Variants in PPP2R2B observed in about 807,000 individuals in gnomAD.
PPP2R2B encodes the protein protein phosphatase 2 regulatory subunit Bbeta, also known as serine/threonine-protein phosphatase 2A 55 kDa regulatory subunit B beta isoform.
A neutral mutation model predicts 46.0 loss-of-function variants in PPP2R2B; 5 were observed. The ratio of observed to expected loss-of-function variants is 0.11; its 90% CI spans 0.06 to 0.23. The LOEUF (loss-of-function observed/expected upper bound fraction) is 0.23, where lower values mean the gene tolerates loss of function less well. PPP2R2B is among the 10% of genes least tolerant of loss of function. The pLI, the probability that PPP2R2B is intolerant of heterozygous loss-of-function variation, is 1.00. For synonymous variants in PPP2R2B, 215 were observed against 206.7 expected, an observed-to-expected ratio of 1.04 and a Z score of -0.34; for missense variants, 367 against 575.0, an observed-to-expected ratio of 0.64 and a Z score of 3.70.
At chr5:146,831,901 C>T (rs1384449782) in intron 2 of PPP2R2B, among the ~76,000 whole-genome samples, 1 of 152,152 alleles carries the variant, frequency 6.6e-6, no homozygotes, top group African/African-American at 2.4e-5. Context: ...CCTTTGAAGG[C>T]CTTCCAGTGG....
chr5:146,900,513 C>G (rs76209183), intron 1 of PPP2R2B, among the ~76,000 whole-genome samples: 1 of 144,896 alleles, frequency 6.9e-6, no homozygotes, highest in South Asian at 2.3e-4. Flanking sequence ...TTTCCTTTCT[C>G]CCTTTCTTTC....
At chr5:146,979,133 G>C (rs756146997) in intron 1 of PPP2R2B, among the ~76,000 whole-genome samples, 1 of 152,038 alleles carries the variant, frequency 6.6e-6, no homozygotes, top group Non-Finnish European at 1.5e-5. Flanking sequence ...GGACATATAC[G>C]CTTCTACCTG....
intron 1 of PPP2R2B, among the ~76,000 whole-genome samples, chr5:146,990,775 G>A (rs1460734043): frequency 6.6e-5 from 10 of 151,994 alleles, no homozygotes; most frequent in Non-Finnish European, 1.5e-4. Context: ...CGAGTGAAGA[G>A]TAAAATATGG....
intron 2 of PPP2R2B, among the ~76,000 whole-genome samples, chr5:146,864,323 A>G (rs1337378819): frequency 3.5e-5 from 5 of 141,364 alleles, no homozygotes; most frequent in African/African-American, 1.3e-4. Context: ...GTCTAAAGTC[A>G]TTGATAGTTA....
chr5:146,727,576 T>C (rs373201878), intron 2 of PPP2R2B, among the ~76,000 whole-genome samples: 3 of 152,122 alleles, frequency 2.0e-5, no homozygotes, highest in African/African-American at 4.8e-5. Flanking sequence ...AGGTAGAATG[T>C]ACTCTATTTA....
Position 146,589,538 on chromosome 5 carries a change from GA to G in PPP2R2B, c.*408del, listed in dbSNP as rs1554109601. On this transcript the variant is annotated 3_prime_UTR_variant, in exon 10 of 10. Coordinates refer to ENST00000394411, the MANE Select transcript of PPP2R2B (RefSeq NM_181675.4). The stretch of plus-strand genomic sequence containing the variant: ...GAGTAAACGGTGTTTATTTTTTGTT[GA>G]TTTTTTTCAATCAAATGGAATTGCT... The G allele has an allele frequency of 1.2e-5, 2 of 160,084 alleles. No homozygotes were observed. Among genetic ancestry groups the G allele is most frequent in the Non-Finnish European group, 2.7e-5 (2 of 73,032 alleles). 9.9% of individuals were successfully genotyped at this position (160,084 alleles called of 1,614,324 possible).
chr5:146,951,554 C>A (rs887587778), intron 1 of PPP2R2B, among the ~76,000 whole-genome samples: 1 of 151,872 alleles, frequency 6.6e-6, no homozygotes, highest in Non-Finnish European at 1.5e-5. Context: ...TTTTCTTCTC[C>A]CTGAGTTCAT....
At chr5:146,887,212 C>A (rs1422333826) in intron 1 of PPP2R2B, among the ~76,000 whole-genome samples, 1 of 151,954 alleles carries the variant, frequency 6.6e-6, no homozygotes, top group Non-Finnish European at 1.5e-5. Flanking sequence ...TATATCAAAT[C>A]TTTGAAATCT....
intron 1 of PPP2R2B, among the ~76,000 whole-genome samples, chr5:146,998,280 A>G (rs547021149): frequency 2.6e-5 from 4 of 152,354 alleles, no homozygotes; most frequent in African/African-American, 9.6e-5. Flanking sequence ...AGGGAGCACA[A>G]TTCAGGTGCA....
intron 5 of PPP2R2B, among the ~76,000 whole-genome samples, chr5:146,690,614 C>T (rs1231474620): frequency 6.6e-6 from 1 of 152,136 alleles, no homozygotes; most frequent in Non-Finnish European, 1.5e-5. Flanking sequence ...CATAAGTCCA[C>T]GAGCAGTACG....
intron 2 of PPP2R2B, among the ~76,000 whole-genome samples, chr5:147,075,610 C>T (rs1323909664): frequency 6.6e-6 from 1 of 152,166 alleles, no homozygotes; most frequent in Non-Finnish European, 1.5e-5. Context: ...AAATGAAGCT[C>T]ATGATTTTTC....
At chr5:147,056,907 G>A (rs1008716686), upstream of PPP2R2B, among the ~76,000 whole-genome samples, 21 of 152,242 alleles carry the variant, frequency 1.4e-4, 1 homozygote, top group East Asian at 4.1e-3. Flanking sequence ...AAGAGAAAGA[G>A]TCAAATGTCC....
In PPP2R2B at chr5:146,851,663, A is replaced by G. The variant is rs551918680; in HGVS notation, c.70+26339T>C. Among the ~76,000 whole-genome samples the G allele has an allele frequency of 9.2e-5, 14 of 152,096 alleles. No individual in the cohort carries two copies. In the South Asian group the frequency reaches 2.1e-3, roughly 23 times the overall value. On this transcript the variant is annotated intron_variant, in intron 2 of 9. Transcript: ENST00000394411. ...AAATATACTCACTTTCTCAAATTAA[A>G]TAAGTGTAGGCAAAACACAAGGTAT...
intron 2 of PPP2R2B, among the ~76,000 whole-genome samples, chr5:146,856,335 A>G (rs1249239103): frequency 1.3e-5 from 2 of 152,228 alleles, no homozygotes; most frequent in African/African-American, 4.8e-5. Flanking sequence ...AAAAAATGTA[A>G]ATTAACTTGT....
intron 2 of PPP2R2B, among the ~76,000 whole-genome samples, chr5:146,835,579 T>C (rs1251916081): frequency 6.6e-6 from 1 of 152,136 alleles, no homozygotes; most frequent in Non-Finnish European, 1.5e-5. Flanking sequence ...ATTAGAACAC[T>C]GCATAAAACC....
chr5:146,989,628 C>T (rs1000147719), intron 1 of PPP2R2B, among the ~76,000 whole-genome samples: 1 of 151,926 alleles, frequency 6.6e-6, no homozygotes, highest in African/African-American at 2.4e-5. Context: ...ATGACAAAAC[C>T]AGAGCTAACA....
intron 2 of PPP2R2B, among the ~76,000 whole-genome samples, chr5:146,877,414 T>C (rs1270296030): frequency 6.6e-6 from 1 of 152,180 alleles, no homozygotes; most frequent in African/African-American, 2.4e-5. Flanking sequence ...TCAGCCTCAT[T>C]CGCTGCCCGC....
chr5:146,979,915 G>A (rs2151854188), intron 1 of PPP2R2B, among the ~76,000 whole-genome samples: 1 of 152,186 alleles, frequency 6.6e-6, no homozygotes, highest in South Asian at 2.1e-4. Context: ...ACTCCAGAGA[G>A]CAAAACCATG....
intron 5 of PPP2R2B, among the ~76,000 whole-genome samples, chr5:146,690,081 G>C (rs1778746046): frequency 6.6e-6 from 1 of 152,228 alleles, no homozygotes; most frequent in Non-Finnish European, 1.5e-5. Flanking sequence ...CATAGGGCAA[G>C]AACCTATTTT....
Sources: allele counts gnomAD v4.1 joint callset (sites outside exome capture counted in the v4.1 genomes callset), GRCh38; gene constraint gnomAD v4.1.1; transcripts MANE v1.5; gene names NCBI Gene and HGNC (gene_info 2026-07-23, HGNC 2026-07-21).